Variants in IL1RAPL2 observed in about 807,000 individuals in gnomAD.
IL1RAPL2 encodes interleukin 1 receptor accessory protein like 2.
In IL1RAPL2, 3 loss-of-function variants were observed where a neutral mutation model predicts 44.1. That is an observed-to-expected ratio of 0.07 (90% CI 0.03 to 0.18). The LOEUF (loss-of-function observed/expected upper bound fraction) is 0.18. IL1RAPL2 is among the 10% of genes least tolerant of loss of function. The pLI is 1.00. For synonymous variants in IL1RAPL2, 181 were observed against 178.8 expected (o/e 1.01, Z -0.10); for missense variants, 391 against 496.4 (o/e 0.79, Z 2.02).
At chrX:104,957,088 G>T (rs762015640) in intron 2 of IL1RAPL2, among the ~76,000 whole-genome samples, 1 of 112,329 alleles carries the variant, frequency 8.9e-6, no homozygotes, top group African/African-American at 3.2e-5. Context: ...ATTTGCTGCT[G>T]CTGAGTTAAG....
chrX:104,958,459 G>A (rs1401757204), intron 2 of IL1RAPL2, among the ~76,000 whole-genome samples: 4 of 105,712 alleles, frequency 3.8e-5, no homozygotes, highest in Non-Finnish European at 7.8e-5. Flanking sequence ...TGCTGCTTAG[G>A]TAATTCATGT....
At chrX:105,136,387 G>A (rs750655476) in intron 2 of IL1RAPL2, among the ~76,000 whole-genome samples, 7 of 111,790 alleles carry the variant, frequency 6.3e-5, no homozygotes, top group Middle Eastern at 4.6e-3. Flanking sequence ...GGACAGTTGC[G>A]AAAGGATGCC....
At chrX:105,564,882 G>C (rs990151883) in intron 6 of IL1RAPL2, among the ~76,000 whole-genome samples, 1 of 111,630 alleles carries the variant, frequency 9.0e-6, no homozygotes, top group Non-Finnish European at 1.9e-5. Context: ...ATGGTCAAAG[G>C]CTTTGATTTT....
At chrX:104,780,546 T>G (rs770658925) in intron 2 of IL1RAPL2, among the ~76,000 whole-genome samples, 22 of 112,250 alleles carry the variant, frequency 2.0e-4, no homozygotes, top group African/African-American at 2.9e-4. Flanking sequence ...GCAGTGGTTG[T>G]GTATTTTTGT....
chrX:105,341,891 CCACTG>C (rs1033545676), intron 5 of IL1RAPL2, among the ~76,000 whole-genome samples: 2 of 110,598 alleles, frequency 1.8e-5, no homozygotes, highest in Non-Finnish European at 3.8e-5. Flanking sequence ...AAAGATCTCA[CCACTG>C]CACTCCAGCC....
intron 2 of IL1RAPL2, among the ~76,000 whole-genome samples, chrX:104,878,992 A>T (rs755650282): frequency 9.0e-6 from 1 of 111,129 alleles, no homozygotes; most frequent in East Asian, 2.8e-4. Flanking sequence ...CTTGATTTCC[A>T]ACCGAGCCAA....
chrX:104,956,461 AGTGTGTGTGTGT>A (rs59541869), intron 2 of IL1RAPL2, among the ~76,000 whole-genome samples: 6 of 84,084 alleles, frequency 7.1e-5, no homozygotes, highest in Non-Finnish European at 1.1e-4. Context: ...GTCTCTACTA[AGTGTGTGTGTGT>A]GTGTGTGTGT....
intron 5 of IL1RAPL2, among the ~76,000 whole-genome samples, chrX:105,310,455 A>G (rs1007901401): frequency 2.7e-5 from 3 of 111,281 alleles, no homozygotes; most frequent in African/African-American, 6.5e-5. Context: ...CCTACCTGCA[A>G]TTTTATTTAT....
chrX:104,822,798 T>G (rs1036880785), intron 2 of IL1RAPL2, among the ~76,000 whole-genome samples: 1 of 111,850 alleles, frequency 8.9e-6, no homozygotes, highest in Admixed American at 9.5e-5. Context: ...GTGCAGAAAG[T>G]CAGTGTTAGC....
At chrX:105,417,196 G>A (rs1168877257) in intron 5 of IL1RAPL2, among the ~76,000 whole-genome samples, 1 of 112,559 alleles carries the variant, frequency 8.9e-6, no homozygotes, top group Non-Finnish European at 1.9e-5. Context: ...GAAGTAGGCC[G>A]GGCGCAGTGG....
intron 1 of IL1RAPL2, among the ~76,000 whole-genome samples, chrX:104,608,458 T>G (rs772685741): frequency 1.4e-3 from 159 of 110,798 alleles, no homozygotes; most frequent in Non-Finnish European, 2.6e-3. Flanking sequence ...ATTATTATTG[T>G]GTGGGAGTCT....
intron 7 of IL1RAPL2, among the ~76,000 whole-genome samples, chrX:105,731,716 T>G (rs1263183061): frequency 9.0e-6 from 1 of 110,556 alleles, no homozygotes; most frequent in Non-Finnish European, 1.9e-5. Flanking sequence ...CTGTACTCAC[T>G]TATATGTAGG....
At chrX:104,944,310 C>A (rs747599964) in intron 2 of IL1RAPL2, among the ~76,000 whole-genome samples, 1 of 111,822 alleles carries the variant, frequency 8.9e-6, no homozygotes, top group Non-Finnish European at 1.9e-5. Context: ...AAATCAAGGA[C>A]ATTTTATATG....
intron 6 of IL1RAPL2, among the ~76,000 whole-genome samples, chrX:105,700,650 G>A (rs1267480299): frequency 2.7e-5 from 3 of 110,725 alleles, no homozygotes; most frequent in Non-Finnish European, 5.7e-5. Context: ...TTTTAAACAT[G>A]TCATTAAGAA....
intron 6 of IL1RAPL2, among the ~76,000 whole-genome samples, chrX:105,523,557 A>T (rs73529006): frequency 0.08 from 8,888 of 111,277 alleles, 869 homozygotes; most frequent in African/African-American, 0.28. Flanking sequence ...TGATTTGACA[A>T]TTGAAACAAA....
chrX:105,324,015 G>A (rs2034917046), intron 5 of IL1RAPL2, among the ~76,000 whole-genome samples: 1 of 111,603 alleles, frequency 9.0e-6, no homozygotes, highest in Non-Finnish European at 1.9e-5. Flanking sequence ...ACAAAATTCT[G>A]TGCCTCAAGT....
intron 2 of IL1RAPL2, among the ~76,000 whole-genome samples, chrX:104,721,184 T>C (rs899358621): frequency 9.0e-6 from 1 of 111,498 alleles, no homozygotes; most frequent in African/African-American, 3.3e-5. Flanking sequence ...ACTGGACATA[T>C]ACCCAAAGGA....
intron 5 of IL1RAPL2, among the ~76,000 whole-genome samples, chrX:105,374,243 T>C (rs1044998401): frequency 6.3e-5 from 7 of 111,220 alleles, no homozygotes; most frequent in Admixed American, 9.6e-5. Flanking sequence ...TGTAGTCCTG[T>C]AGTATAGTTT....
chrX:105,024,925 A>AT (rs756616918), intron 2 of IL1RAPL2, among the ~76,000 whole-genome samples: 7,048 of 101,506 alleles, frequency 0.069, 656 homozygotes, highest in African/African-American at 0.23. Context: ...TTCTTGATTA[A>AT]TTTTTTTTTT....
Sources: allele counts gnomAD v4.1 joint callset (sites outside exome capture counted in the v4.1 genomes callset), GRCh38; gene constraint gnomAD v4.1.1; transcripts MANE v1.5; gene names NCBI Gene and HGNC (gene_info 2026-07-23, HGNC 2026-07-21).